The following SNTG1 variants were observed in gnomAD, a reference collection of about 807,000 sequenced individuals.
SNTG1 encodes gamma-1-syntrophin.
A neutral mutation model predicts 74.7 loss-of-function variants in SNTG1; 39 were observed. The ratio of observed to expected loss-of-function variants is 0.52; its 90% confidence interval spans 0.40 to 0.68. The LOEUF is 0.68. SNTG1 is among the 30% of genes least tolerant of loss of function. The pLI is 0.00. For synonymous variants in SNTG1, 254 were observed against 217.1 expected, an observed-to-expected ratio of 1.17 and a Z score of -1.49; for missense variants, 685 against 609.5, an observed-to-expected ratio of 1.12 and a Z score of -1.30.
At chr8:50,420,125 G>A (rs2093063969) in intron 4 of SNTG1, among the ~76,000 whole-genome samples, 1 of 152,018 alleles carries the variant, frequency 6.6e-6, no homozygotes, top group African/African-American at 2.4e-5. Flanking sequence ...AAAACATAAA[G>A]GCTGAAATTT....
At chr8:50,216,604 T>C (rs1174746453) in intron 2 of SNTG1, among the ~76,000 whole-genome samples, 2 of 152,170 alleles carry the variant, frequency 1.3e-5, no homozygotes, top group Non-Finnish European at 2.9e-5. Flanking sequence ...AAGGGGTGTA[T>C]ACTAGACAGT....
chr8:50,735,260 T>TTCCA (rs2131637691), intron 17 of SNTG1, among the ~76,000 whole-genome samples: 1 of 151,846 alleles, frequency 6.6e-6, no homozygotes, highest in East Asian at 1.9e-4. Flanking sequence ...AGAAAATATA[T>TTCCA]TCCATGCAAA....
intron 17 of SNTG1, among the ~76,000 whole-genome samples, chr8:50,725,557 C>T (rs2095498094): frequency 6.6e-6 from 1 of 152,084 alleles, no homozygotes; most frequent in African/African-American, 2.4e-5. Context: ...TACAGAATGG[C>T]CATTTATCCT....
intron 2 of SNTG1, among the ~76,000 whole-genome samples, chr8:50,243,461 T>A (rs1476469954): frequency 6.6e-6 from 1 of 152,168 alleles, no homozygotes; most frequent in Non-Finnish European, 1.5e-5. Context: ...ACTGTATCCA[T>A]CTTAGAAATA....
At chr8:50,335,855 ATTTT>A (rs1336987850) in intron 2 of SNTG1, among the ~76,000 whole-genome samples, 1 of 146,112 alleles carries the variant, frequency 6.8e-6, no homozygotes, top group Non-Finnish European at 1.5e-5. Flanking sequence ...ATTTTATTTT[ATTTT>A]ATTTATGTTA....
At chr8:50,086,260 T>C (rs1357140811) in intron 1 of SNTG1, among the ~76,000 whole-genome samples, 7 of 152,104 alleles carry the variant, frequency 4.6e-5, no homozygotes, top group Admixed American at 3.3e-4. Context: ...ATCATCACAA[T>C]TTTAGTGTTG....
chr8:50,599,726 T>C (rs2094758995), intron 13 of SNTG1, among the ~76,000 whole-genome samples: 1 of 152,084 alleles, frequency 6.6e-6, no homozygotes, highest in African/African-American at 2.4e-5. Flanking sequence ...TTCTAATAGT[T>C]TTTTGGTGTC....
intron 8 of SNTG1, 61 bp downstream of exon 8, chr8:50,450,790 T>C (rs1358357102): frequency 2.6e-5 from 39 of 1,506,068 alleles, no homozygotes; most frequent in Non-Finnish European, 3.5e-5. Flanking sequence ...ATTTAGTGCA[T>C]TGCTAAAGAC....
chr8:50,681,787 A>C (rs2095331929), intron 15 of SNTG1, among the ~76,000 whole-genome samples: 1 of 152,240 alleles, frequency 6.6e-6, no homozygotes, highest in Non-Finnish European at 1.5e-5. Context: ...AAATTTATTC[A>C]GAGCTCTCCC....
chr8:50,624,322 A>C (rs1306557720), intron 13 of SNTG1, among the ~76,000 whole-genome samples: 1 of 128,512 alleles, frequency 7.8e-6, no homozygotes, highest in Non-Finnish European at 1.6e-5. Flanking sequence ...AAGAAAAACA[A>C]AAAAAAAAAT....
chr8:50,796,065 G>T lies in SNTG1; in HGVS notation c.*3236G>T, dbSNP rs942254084. On this transcript the variant is annotated 3_prime_UTR_variant, in exon 19 of 19. Transcript: ENST00000642720. ...TTTCCTTTGGGTGCATTAGTTTATA[G>T]ATCAACATTTCCCTCATTTACAGTG... The T allele has an allele frequency of 4.6e-5, 7 of 152,118 alleles. No homozygotes were observed. The highest frequency in any genetic ancestry group is 1.3e-4 in the Admixed American group (2 of 15,248). 9.4% of individuals were successfully genotyped at this position (152,118 alleles called of 1,614,324 possible).
chr8:49,967,390 C>G (rs1811239417), intron 1 of SNTG1, among the ~76,000 whole-genome samples: 1 of 152,172 alleles, frequency 6.6e-6, no homozygotes, highest in Non-Finnish European at 1.5e-5. Context: ...ATTATAAAAT[C>G]TACTTCTGTA....
At chr8:49,920,788 T>C (rs1335464073) in intron 1 of SNTG1, among the ~76,000 whole-genome samples, 1 of 152,102 alleles carries the variant, frequency 6.6e-6, no homozygotes, top group African/African-American at 2.4e-5. Context: ...TATTGCAGAA[T>C]TCAGACTTGA....
intron 1 of SNTG1, among the ~76,000 whole-genome samples, chr8:49,943,181 C>T (rs531097263): frequency 1.3e-5 from 2 of 152,192 alleles, no homozygotes; most frequent in Admixed American, 6.5e-5. Context: ...AGTGAAAGAA[C>T]GTTTCAGAAA....
chr8:50,164,156 T>A (rs536713151), intron 1 of SNTG1: 1 of 142,656 alleles, frequency 7.0e-6, no homozygotes, highest in South Asian at 2.3e-4. Context: ...ATGCTTAAAC[T>A]ATGGTCAGAA....
chr8:50,016,150 G>A (rs535533453), intron 1 of SNTG1, among the ~76,000 whole-genome samples: 19 of 152,072 alleles, frequency 1.2e-4, no homozygotes, highest in South Asian at 6.2e-4. Context: ...TCTTCTTTTC[G>A]TGCAAGTTTG....
At chr8:50,334,498 T>A (rs2091074004) in intron 2 of SNTG1, among the ~76,000 whole-genome samples, 1 of 143,312 alleles carries the variant, frequency 7.0e-6, no homozygotes, top group Non-Finnish European at 1.5e-5. Context: ...CTCATTTATA[T>A]CTCTGCTAAA....
At chr8:50,264,712 G>C (rs533015795) in intron 2 of SNTG1, among the ~76,000 whole-genome samples, 1 of 151,872 alleles carries the variant, frequency 6.6e-6, no homozygotes, top group African/African-American at 2.4e-5. Flanking sequence ...GGTACCAAAA[G>C]TTGATACTTT....
At chr8:50,095,061 A>G (rs2079875962) in intron 1 of SNTG1, among the ~76,000 whole-genome samples, 1 of 152,138 alleles carries the variant, frequency 6.6e-6, no homozygotes, top group African/African-American at 2.4e-5. Flanking sequence ...GAAACAGAAA[A>G]CCAAATACCG....
Sources: gnomAD v4.1 joint callset for allele counts (sites outside exome capture counted in the v4.1 genomes callset) on GRCh38, gnomAD v4.1.1 for gene constraint, MANE v1.5 for transcripts, NCBI Gene and HGNC (gene_info 2026-07-23, HGNC 2026-07-21) for gene names.